Variants in LBHD1 observed in about 807,000 individuals in gnomAD.
LBHD1 encodes the protein LBH domain containing 1.
LBHD1 carries 28 observed loss-of-function variants against 31.1 expected under a neutral mutation model. The ratio of observed to expected loss-of-function variants is 0.90; its 90% CI spans 0.67 to 1.24. The LOEUF is 1.24. LBHD1 is among the 50% of genes most tolerant of loss of function. LBHD1 has a pLI of 0.00. For missense variants in LBHD1, 350 were observed against 323.0 expected (o/e 1.08, Z -0.64); for synonymous variants, 105 against 116.5 (o/e 0.90, Z 0.63).
At chr11:62,669,123 T>C (rs890407829) in intron 3 of LBHD1, among the ~76,000 whole-genome samples, 11 of 152,046 alleles carry the variant, frequency 7.2e-5, no homozygotes, top group South Asian at 2.1e-4. Flanking sequence ...GGTTTCACCA[T>C]GTTAGCCAGG....
intron 4 of LBHD1, chr11:62,666,786 C>T (rs935850025): frequency 7.5e-5 from 121 of 1,613,970 alleles, no homozygotes; most frequent in Non-Finnish European, 1.0e-4. Context: ...GCTGTGGCTT[C>T]TTCAGGCTCT....
Position 62,667,321 on chromosome 11 carries a change from C to T in LBHD1, c.538+202G>A, listed in dbSNP as rs1032828033. ...AAAGAGAAGGTACAATTGGGTCATTCCCCAGTTTCAACTAACTGGAGCTCC... is the reference window on the plus strand; with the variant it reads ...AAAGAGAAGGTACAATTGGGTCATTTCCCAGTTTCAACTAACTGGAGCTCC... On this transcript the variant is annotated intron_variant, in intron 4 of 6. Transcript: ENST00000354588. The T allele has an allele frequency of 2.0e-5, 13 of 652,252 alleles. No homozygotes were observed. In the East Asian group the frequency reaches 3.3e-4, roughly 16 times the overall value. The allele number at this position is 652,252 out of a possible 1,614,324, so 40.4% of individuals were successfully genotyped here.
intron 4 of LBHD1, chr11:62,665,337 G>C (rs368256980): frequency 2.6e-6 from 2 of 764,232 alleles, no homozygotes; most frequent in Non-Finnish European, 2.2e-6. Context: ...GAGCTAGTAA[G>C]TGTGGTTTTA....
chr11:62,663,567 G>A (rs966479621), intron 5 of LBHD1, among the ~76,000 whole-genome samples: 2 of 151,838 alleles, frequency 1.3e-5, no homozygotes, highest in African/African-American at 4.8e-5. Flanking sequence ...AGTGGCGGGC[G>A]CCTGTAGTCC....
At chr11:62,666,143 TC>T (rs1565126887) in intron 4 of LBHD1, 8 of 745,728 alleles carry the variant, frequency 1.1e-5, no homozygotes, top group Non-Finnish European at 1.7e-5. Flanking sequence ...GCCCAGGAGT[TC>T]GAGACCAACC....
chr11:62,669,882 C>CT lies in LBHD1; in HGVS notation c.149dup (p.Asp51GlyfsTer17). ...AGACACAGGCTGAGGAAGTACTAAC[C>CT]TGAATGTGCTGGTGACCTTCAACCT... On this transcript the variant is annotated frameshift_variant and splice_region_variant, in exon 2 of 7. Transcript: ENST00000354588. LOFTEE classifies it high-confidence loss of function. 1.2e-6 allele frequency: 2 copies of CT among 1,614,250 alleles called. No homozygotes were observed. The highest frequency in any genetic ancestry group is 1.3e-5 in the African/African-American group (1 of 75,070).
intron 4 of LBHD1, 27 bp downstream of exon 4, chr11:62,667,496 A>G (rs757230581): frequency 6.2e-7 from 1 of 1,603,562 alleles, no homozygotes; most frequent in South Asian, 1.1e-5. Context: ...TGGATGAGAT[A>G]TTTGAGGGGG....
In LBHD1 at chr11:62,669,693, A is replaced by T; in HGVS notation, c.261T>A (p.Asp87Glu). 3.7e-6 allele frequency: 6 copies of T among 1,614,156 alleles called. No homozygotes were observed. Among genetic ancestry groups the T allele is most frequent in the Non-Finnish European group, 5.1e-6 (6 of 1,180,022 alleles). The change falls in exon 3 of 7, where the codon GAT becomes GAA. Residue 87 changes from aspartate to glutamate, a missense_variant. By Grantham distance (45) the Asp-to-Glu change is conservative (BLOSUM62 2). Coordinates refer to ENST00000354588, the MANE Select transcript of LBHD1 (RefSeq NM_024099.5). Reference protein sequence around the residue: ...LPHEELLLLTDGEEEDAEAFF... With the variant: ...LPHEELLLLTEGEEEDAEAFF... ...AGGCCTCAGCATCCTCTTCCTCACC[A>T]TCAGTGAGCAGCAGCAGCTCCTCAT...
chr11:62,667,626 C>G lies in LBHD1; in HGVS notation c.435G>C (p.Leu145=). ...ACWILEDTAC[L]EATNHCPFWD... ...AGAAGGGACAGTGGTTGGTGGCTTC[C>G]AGACATGCTGTGTCCTCAAGAATCC... Residue 145 remains leucine, a synonymous_variant, in exon 4 of 7, where the codon CTG becomes CTC. Transcript: ENST00000354588. The G allele has an allele frequency of 6.2e-7, 1 of 1,614,134 alleles. No homozygotes were observed. Among genetic ancestry groups the G allele is most frequent in the Non-Finnish European group, 8.5e-7 (1 of 1,180,040 alleles).
rs1310692231 is a variant in LBHD1 at position 62,671,912 on chromosome 11, C to G, written c.-359G>C. 1 of 1,613,188 alleles carries G rather than the reference C, an allele frequency of 6.2e-7. No individual in the cohort carries two copies. The highest frequency in any genetic ancestry group is 1.7e-5 in the Admixed American group (1 of 59,996). ...GAGGAAGGGTGGGCGGGTGGAGAGC[C>G]CCGGACTGGAGCTCCTGCGAACTCC... On this transcript the variant is annotated 5_prime_UTR_variant, in exon 1 of 7. Transcript: ENST00000354588.
intron 1 of LBHD1, 179 bp downstream of exon 1, chr11:62,671,385 G>A: frequency 7.9e-7 from 1 of 1,269,430 alleles, no homozygotes; most frequent in Non-Finnish European, 1.0e-6. Flanking sequence ...CACAGCTCGG[G>A]CCTCTACTGA....
intron 4 of LBHD1, chr11:62,665,202 C>T (rs766919799): frequency 2.4e-5 from 19 of 803,866 alleles, no homozygotes; most frequent in South Asian, 2.3e-4. Context: ...ACGGTCCGTA[C>T]TTCCGCTCAG....
At chr11:62,670,123 G>C in intron 1 of LBHD1, 82 bp from the exon 2 acceptor site, 1 of 1,423,136 alleles carries the variant, frequency 7.0e-7, no homozygotes, top group Non-Finnish European at 9.5e-7. Context: ...ATCTTCTTTG[G>C]AGCCTGGCCC....
At chr11:62,665,238 G>GC in intron 4 of LBHD1, 1 of 765,220 alleles carries the variant, frequency 1.3e-6, no homozygotes, top group Non-Finnish European at 2.2e-6. Context: ...GCTCCGCCCC[G>GC]GCCTTCCGCG....
chr11:62,669,553 G>A (rs1944900922), intron 3 of LBHD1, 88 bp downstream of exon 3: 2 of 1,528,464 alleles, frequency 1.3e-6, no homozygotes, highest in Non-Finnish European at 8.7e-7. Context: ...TGGCACTGCT[G>A]AATGCAGGGG....
chr11:62,664,980 G>A lies in LBHD1; in HGVS notation c.539-7C>T, dbSNP rs780030744. The A allele has an allele frequency of 2.5e-6, 4 of 1,610,266 alleles. No homozygotes were observed. The highest frequency in any genetic ancestry group is 3.4e-6 in the Non-Finnish European group (4 of 1,179,790). On this transcript the variant is annotated splice_region_variant and splice_polypyrimidine_tract_variant and intron_variant, in intron 4 of 6. Transcript: ENST00000354588. ...ACAGCTTCTTCTTCAGCTCCTGCCG[G>A]GGAGAAAGATGCGAATCAGATGGAG... is the stretch of plus-strand genomic sequence containing the variant.
chr11:62,665,609 C>T (rs376484943), intron 4 of LBHD1: 3 of 1,562,496 alleles, frequency 1.9e-6, no homozygotes, highest in South Asian at 1.1e-5. Context: ...CAGCTGGCTC[C>T]TCCATCGGGG....
At chr11:62,665,757 G>C in intron 4 of LBHD1, 1 of 1,503,444 alleles carries the variant, frequency 6.7e-7, no homozygotes, top group Non-Finnish European at 8.9e-7. Flanking sequence ...GTTCGGGGAA[G>C]CTGTACGCCG....
chr11:62,667,521 A>C lies in LBHD1; in HGVS notation c.538+2T>G. 6.2e-7 allele frequency: 1 copy of C among 1,610,568 alleles called. No homozygotes were observed. The highest frequency in any genetic ancestry group is 8.5e-7 in the Non-Finnish European group (1 of 1,176,776). On this transcript the variant is annotated splice_donor_variant, in intron 4 of 6. Coordinates refer to ENST00000354588, the MANE Select transcript of LBHD1 (RefSeq NM_024099.5). LOFTEE classifies it high-confidence loss of function. Reference sequence around the variant, plus strand: ...ATTTGAGGGGGAGGGAACAATACTTACCCTCAAAGCTATTAGGAGGCAGGA... The same window carrying C: ...ATTTGAGGGGGAGGGAACAATACTTCCCCTCAAAGCTATTAGGAGGCAGGA...
Sources: gnomAD v4.1 joint callset for allele counts (sites outside exome capture counted in the v4.1 genomes callset) on GRCh38, gnomAD v4.1.1 for gene constraint, MANE v1.5 for transcripts, NCBI Gene and HGNC (gene_info 2026-07-23, HGNC 2026-07-21) for gene names.